RB1: variants seen among roughly 807,000 people sequenced by gnomAD.
RB1 encodes the protein RB transcriptional corepressor 1, also known as retinoblastoma-associated protein.
Under a neutral mutation model 135.4 loss-of-function variants are expected in RB1, and 18 were observed. The observed-to-expected ratio is 0.13, with a 90% CI of 0.09 to 0.20. The LOEUF (loss-of-function observed/expected upper bound fraction) is 0.20, where lower values mean the gene tolerates loss of function less well. RB1 is among the 10% of genes least tolerant of loss of function. The probability of loss-of-function intolerance (pLI) is 1.00; values close to 1 mark genes in which losing one functional copy is unlikely to be tolerated. For missense variants in RB1, 868 were observed against 1,110.0 expected, an observed-to-expected ratio of 0.78 and a Z score of 3.10; for synonymous variants, 365 against 373.2, an observed-to-expected ratio of 0.98 and a Z score of 0.25.
chr13:48,390,083 G>C (rs949649504), intron 17 of RB1, among the ~76,000 whole-genome samples: 17 of 152,090 alleles, frequency 1.1e-4, no homozygotes, highest in African/African-American at 3.9e-4. Flanking sequence ...GGATGTTAAG[G>C]CTGCAGTGAG....
At position 48,373,438 on chromosome 13, in the gene RB1, G is replaced by GATTTTA. The variant is rs1375214454; in HGVS notation, c.1163_1168dup (p.Ile388_Leu389dup). ...TGAACACTATCCAACAATTAATGAT[G>GATTTTA]ATTTTAAATTCAGCAAGTGATCAAC... On this transcript the variant is annotated inframe_insertion, in exon 12 of 27. Transcript: ENST00000267163. The GATTTTA allele has an allele frequency of 3.1e-6, 5 of 1,598,226 alleles. No homozygotes were observed. Among genetic ancestry groups the GATTTTA allele is most frequent in the Non-Finnish European group, 4.3e-6 (5 of 1,166,264 alleles).
chr13:48,442,515 T>C (rs2138310296), intron 17 of RB1, among the ~76,000 whole-genome samples: 1 of 152,346 alleles, frequency 6.6e-6, no homozygotes, highest in East Asian at 1.9e-4. Flanking sequence ...ATTCAGAAGG[T>C]AACTTTCCTA....
chr13:48,477,501 T>C lies in RB1; in HGVS notation c.2713+97T>C, dbSNP rs1348112522. Reference sequence around the variant, plus strand: ...TAAAAGAATGTATAATTTCTTCAGTTGGCAGGTTTGTTTATGCATTTAAAA... The same window carrying C: ...TAAAAGAATGTATAATTTCTTCAGTCGGCAGGTTTGTTTATGCATTTAAAA... On this transcript the variant is annotated intron_variant, in intron 26 of 26. Coordinates refer to ENST00000267163, the MANE Select transcript of RB1 (RefSeq NM_000321.3). 4 of 1,023,702 alleles carry C rather than the reference T, an allele frequency of 3.9e-6. No homozygotes were observed. The African/African-American group carries it at 6.4e-5, about 16-fold the overall frequency. 63.4% of individuals were successfully genotyped at this position (1,023,702 alleles called of 1,614,324 possible). A position where few individuals can be genotyped will look rare whatever the true frequency, so the allele number is the denominator to read the frequency against.
chr13:48,312,819 G>A (rs573416981), intron 2 of RB1, among the ~76,000 whole-genome samples: 5 of 152,116 alleles, frequency 3.3e-5, no homozygotes, highest in African/African-American at 9.6e-5. Context: ...GCCTCTTTCT[G>A]ACTAGTCTCT....
chr13:48,373,614 A>G (rs1350280953), intron 12 of RB1, 122 bp downstream of exon 12: 1 of 627,692 alleles, frequency 1.6e-6, no homozygotes, highest in Admixed American at 2.8e-5. Context: ...GTTATCCATA[A>G]TCTTTTCTTG....
intron 2 of RB1, chr13:48,317,820 C>A: frequency 2.7e-6 from 1 of 368,150 alleles, no homozygotes; most frequent in South Asian, 2.4e-5. Context: ...CCCACTGACT[C>A]CGCGTGCACA....
Position 48,453,063 on chromosome 13 carries a change from C to G in RB1, c.1766C>G (p.Ala589Gly), listed in dbSNP as rs779045727. ...REGPTDHLES[A>G]CPLNLPLQNN... ...GGACCAACTGATCACCTTGAATCTG[C>G]TTGTCCTCTTAATCTTCCTCTCCAG... Residue 589 changes from alanine (A) to glycine (G), a missense_variant, in exon 18 of 27, where the codon GCT becomes GGT. This residue lies in a region of RB1 where 641 missense variants were observed against 791.3 expected (regional missense o/e 0.81). Coordinates refer to ENST00000267163, the MANE Select transcript of RB1 (RefSeq NM_000321.3). 6.8e-6 allele frequency: 11 copies of G among 1,613,072 alleles called. No individual in the cohort carries two copies. The highest frequency in any genetic ancestry group is 9.3e-6 in the Non-Finnish European group (11 of 1,179,686).
intron 2 of RB1, among the ~76,000 whole-genome samples, chr13:48,325,977 C>T (rs1022086860): frequency 2.0e-5 from 3 of 152,114 alleles, no homozygotes; most frequent in African/African-American, 7.2e-5. Flanking sequence ...AGAGGCCTAT[C>T]GTGACCACTC....
At chr13:48,348,620 G>A (rs543247618) in intron 5 of RB1, among the ~76,000 whole-genome samples, 3 of 150,782 alleles carry the variant, frequency 2.0e-5, no homozygotes, top group South Asian at 4.2e-4. Flanking sequence ...TATTAGAATT[G>A]AAATATTCAG....
At chr13:48,472,372 CTTTA>C (rs895142885) in intron 23 of RB1, among the ~76,000 whole-genome samples, 1 of 152,032 alleles carries the variant, frequency 6.6e-6, no homozygotes, top group Non-Finnish European at 1.5e-5. Context: ...CTGTATCATC[CTTTA>C]TTTATTTGGT....
Position 48,481,143 on chromosome 13 carries a change from G to T in RB1, c.*1072G>T, listed in dbSNP as rs1007552591. 7 of 230,706 alleles carry T rather than the reference G, an allele frequency of 3.0e-5. No individual in the cohort carries two copies. The Middle Eastern group carries it at 3.8e-3, about 125-fold the overall frequency. 14.3% of individuals were successfully genotyped at this position (230,706 alleles called of 1,614,324 possible). ...CTCTGGAATGGTACATGTCTTCCAT[G>T]TATCTTTTGAACTGGCAATTGTCTA... On this transcript the variant is annotated 3_prime_UTR_variant, in exon 27 of 27. Transcript: ENST00000267163.
intron 12 of RB1, 107 bp from the exon 13 acceptor site, chr13:48,376,811 T>C: frequency 6.5e-7 from 1 of 1,547,250 alleles, no homozygotes; most frequent in Non-Finnish European, 8.8e-7. Context: ...TGGAAGTGTT[T>C]CCACATTTTT....
chr13:48,434,250 C>T (rs886588893), intron 17 of RB1, among the ~76,000 whole-genome samples: 8 of 151,700 alleles, frequency 5.3e-5, no homozygotes, highest in East Asian at 3.9e-4. Context: ...AGTTTGAGAA[C>T]GGCCTGGACA....
At chr13:48,476,542 G>C in intron 24 of RB1, 159 bp from the exon 25 acceptor site, 1 of 711,892 alleles carries the variant, frequency 1.4e-6, no homozygotes, top group Non-Finnish European at 2.3e-6. Context: ...CTGATTTTTA[G>C]ATTTTTCATA....
chr13:48,387,573 G>C (rs1948579912), intron 17 of RB1, among the ~76,000 whole-genome samples: 1 of 152,084 alleles, frequency 6.6e-6, no homozygotes, highest in Non-Finnish European at 1.5e-5. Flanking sequence ...GATGGCTAGA[G>C]AGTATGGTTT....
At chr13:48,331,326 T>C (rs890212305) in intron 2 of RB1, among the ~76,000 whole-genome samples, 1 of 152,202 alleles carries the variant, frequency 6.6e-6, no homozygotes, top group Non-Finnish European at 1.5e-5. Context: ...AGTTTGAATG[T>C]TTTCCCCCTC....
At chr13:48,355,200 G>A (rs1443576527) in intron 6 of RB1, among the ~76,000 whole-genome samples, 2 of 151,616 alleles carry the variant, frequency 1.3e-5, no homozygotes, top group Non-Finnish European at 2.9e-5. Context: ...AATATATAAG[G>A]AACCCAAACA....
rs913896809 is a variant in RB1, at chr13:48,307,845, G to C, written c.264+439G>C. On this transcript the variant is annotated intron_variant, in intron 2 of 26. Transcript: ENST00000267163. ...GCCACTGCACTCCAGCCTGGCAACAGAGCGAGAGTCTGTCTCAAAAAAAAA... is the reference window on the plus strand; with the variant it reads ...GCCACTGCACTCCAGCCTGGCAACACAGCGAGAGTCTGTCTCAAAAAAAAA... Among the ~76,000 whole-genome samples the C allele has an allele frequency of 2.7e-5, 4 of 148,948 alleles. 1 individual carries two copies. The highest frequency in any genetic ancestry group is 9.9e-5 in the African/African-American group (4 of 40,532).
intron 23 of RB1, among the ~76,000 whole-genome samples, chr13:48,465,653 C>A (rs1296158443): frequency 6.6e-6 from 1 of 151,574 alleles, no homozygotes; most frequent in Admixed American, 6.6e-5. Context: ...GTACCGGGTT[C>A]ATCTCACTAG....
Sources: allele counts gnomAD v4.1 joint callset (sites outside exome capture counted in the v4.1 genomes callset), GRCh38; gene constraint gnomAD v4.1.1; regional missense constraint gnomAD v4.1.1; transcripts MANE v1.5; gene names NCBI Gene and HGNC (gene_info 2026-07-23, HGNC 2026-07-21).